The following BBS9 variants were observed in gnomAD, a reference collection of about 807,000 sequenced individuals.
The protein encoded by BBS9 is Bardet-Biedl syndrome 9, also known as protein PTHB1.
BBS9 carries 89 observed loss-of-function variants against 117.7 expected under a neutral mutation model. The ratio of observed to expected loss-of-function variants is 0.76; its 90% CI spans 0.64 to 0.90. BBS9 has a LOEUF of 0.90. Among genes scored for constraint, BBS9 ranks in the 40% least tolerant of loss-of-function variants. BBS9 has a pLI of 0.00. For synonymous variants in BBS9, 379 were observed against 370.9 expected (o/e 1.02, Z -0.25); for missense variants, 982 against 1,042.2 (o/e 0.94, Z 0.80).
intron 5 of BBS9, among the ~76,000 whole-genome samples, chr7:33,244,800 C>T (rs1342784988): frequency 6.6e-6 from 1 of 152,158 alleles, no homozygotes; most frequent in East Asian, 1.9e-4. Flanking sequence ...AATTCAAAAC[C>T]TTATCATCTT....
At chr7:33,185,385 A>G (rs1233058307) in intron 5 of BBS9, among the ~76,000 whole-genome samples, 1 of 152,082 alleles carries the variant, frequency 6.6e-6, no homozygotes, top group Non-Finnish European at 1.5e-5. Flanking sequence ...ATAAATCTTT[A>G]TCTACATTTC....
At chr7:33,374,145 C>T (rs1464859653) in intron 17 of BBS9, among the ~76,000 whole-genome samples, 1 of 152,018 alleles carries the variant, frequency 6.6e-6, no homozygotes, top group Non-Finnish European at 1.5e-5. Context: ...GCTGTTATAT[C>T]CCAAAGGATT....
intron 7 of BBS9, among the ~76,000 whole-genome samples, chr7:33,271,007 G>A (rs7793667): frequency 0.11 from 17,193 of 152,154 alleles, 1,146 homozygotes; most frequent in African/African-American, 0.18. Context: ...GGCTAATAGC[G>A]GACCTTTCGG....
intron 21 of BBS9, 71 bp from the exon 22 acceptor site, chr7:33,604,794 C>A: frequency 1.0e-6 from 1 of 1,000,144 alleles, no homozygotes; most frequent in Non-Finnish European, 1.6e-6. Flanking sequence ...TGTTCCTAAG[C>A]TATGATTGCT....
At chr7:33,583,398 C>A (rs557470255) in intron 21 of BBS9, among the ~76,000 whole-genome samples, 1 of 152,212 alleles carries the variant, frequency 6.6e-6, no homozygotes, top group East Asian at 1.9e-4. Context: ...CCTGTCCTGT[C>A]CTTTCCCCCT....
chr7:33,284,408 T>A (rs781230597), intron 9 of BBS9, among the ~76,000 whole-genome samples: 7 of 152,208 alleles, frequency 4.6e-5, no homozygotes, highest in Non-Finnish European at 8.8e-5. Context: ...ATGGACAACC[T>A]GATTTTTGTT....
At chr7:33,171,206 C>T (rs2128146374) in intron 4 of BBS9, among the ~76,000 whole-genome samples, 1 of 152,234 alleles carries the variant, frequency 6.6e-6, no homozygotes, top group Admixed American at 6.5e-5. Flanking sequence ...TCAAACTATA[C>T]TACAAGGCTA....
intron 5 of BBS9, among the ~76,000 whole-genome samples, chr7:33,214,393 C>T (rs1788639648): frequency 6.6e-6 from 1 of 152,206 alleles, no homozygotes; most frequent in Non-Finnish European, 1.5e-5. Context: ...CGACCCTCTT[C>T]AGTGACATGA....
At chr7:33,228,555 C>A (rs1291326044) in intron 5 of BBS9, among the ~76,000 whole-genome samples, 2 of 152,048 alleles carry the variant, frequency 1.3e-5, no homozygotes, top group Non-Finnish European at 2.9e-5. Context: ...CCACGTATAA[C>A]TTTTGACTCC....
chr7:33,351,250 T>G lies in BBS9; in HGVS notation c.1464T>G (p.Ser488=), dbSNP rs200850911. Residue 488 remains serine, a synonymous_variant, in exon 14 of 23, where the codon TCT becomes TCG. Transcript: ENST00000242067. ...ATTTGACTAGAACAGTAAGCTTTTC[T>G]GTTTATCTGAAAAGAAGTTATACAC... ...TPDLTRTVSF[S]VYLKRSYTPS... 1 of 1,612,792 alleles carries G rather than the reference T, an allele frequency of 6.2e-7. No homozygotes were observed. Among genetic ancestry groups the G allele is most frequent in the Non-Finnish European group, 8.5e-7 (1 of 1,178,864 alleles).
At chr7:33,604,373 G>T (rs538414920) in intron 21 of BBS9, among the ~76,000 whole-genome samples, 1 of 152,098 alleles carries the variant, frequency 6.6e-6, no homozygotes, top group South Asian at 2.1e-4. Context: ...GTAAGGTGTT[G>T]GGATTCAGGA....
At chr7:33,542,354 A>G (rs1471045800) in intron 21 of BBS9, among the ~76,000 whole-genome samples, 2 of 152,158 alleles carry the variant, frequency 1.3e-5, no homozygotes, top group Non-Finnish European at 2.9e-5. Flanking sequence ...AAGTGCTGGG[A>G]TTACAGGCGT....
At chr7:33,308,311 C>G (rs1049157054) in intron 9 of BBS9, among the ~76,000 whole-genome samples, 4 of 152,060 alleles carry the variant, frequency 2.6e-5, no homozygotes, top group Admixed American at 2.0e-4. Context: ...CTTTAGAGAA[C>G]AAAATAAGGC....
chr7:33,171,891 G>C (rs1304448317), intron 4 of BBS9, among the ~76,000 whole-genome samples: 1 of 152,058 alleles, frequency 6.6e-6, no homozygotes, highest in Non-Finnish European at 1.5e-5. Context: ...TGGTACCCAG[G>C]AGGCTTATGA....
intron 20 of BBS9, 190 bp from the exon 21 acceptor site, chr7:33,533,764 C>T (rs1850942000): frequency 1.6e-6 from 1 of 634,616 alleles, no homozygotes; most frequent in South Asian, 1.9e-5. Flanking sequence ...AATTAAGTAA[C>T]TTGCTCAAGG....
chr7:33,416,953 G>A (rs1260621281), intron 19 of BBS9, among the ~76,000 whole-genome samples: 1 of 152,024 alleles, frequency 6.6e-6, no homozygotes, highest in Non-Finnish European at 1.5e-5. Flanking sequence ...ATCTACACTT[G>A]CTCAATAGAT....
chr7:33,249,957 C>T (rs1436083913), intron 5 of BBS9, among the ~76,000 whole-genome samples: 2 of 152,110 alleles, frequency 1.3e-5, no homozygotes, highest in African/African-American at 4.8e-5. Flanking sequence ...CAGGGTGCAT[C>T]GTATCTGTCA....
chr7:33,317,895 C>G (rs1810874400), intron 9 of BBS9, among the ~76,000 whole-genome samples: 1 of 152,120 alleles, frequency 6.6e-6, no homozygotes, highest in Non-Finnish European at 1.5e-5. Context: ...AATAAAAACA[C>G]AAAAATTAGC....
chr7:33,281,758 G>T (rs1279382690), intron 9 of BBS9, among the ~76,000 whole-genome samples: 1 of 151,720 alleles, frequency 6.6e-6, no homozygotes, highest in East Asian at 1.9e-4. Flanking sequence ...AAAATGTATT[G>T]TTATATTTCA....
Sources: gnomAD v4.1 joint callset for allele counts (sites outside exome capture counted in the v4.1 genomes callset) on GRCh38, gnomAD v4.1.1 for gene constraint, MANE v1.5 for transcripts, NCBI Gene and HGNC (gene_info 2026-07-23, HGNC 2026-07-21) for gene names.